Variants in PDCD11 observed in about 807,000 individuals in gnomAD.
PDCD11 encodes the protein programmed cell death 11.
In PDCD11, 97 loss-of-function variants were observed where a neutral mutation model predicts 198.9. That is an observed-to-expected ratio of 0.49 (90% confidence interval 0.41 to 0.58). PDCD11 has a LOEUF of 0.58. PDCD11 is among the 20% of genes least tolerant of loss of function. PDCD11 has a pLI of 0.00. For synonymous variants in PDCD11, 893 were observed against 918.0 expected (o/e 0.97, Z 0.49); for missense variants, 2,102 against 2,312.7 (o/e 0.91, Z 1.87).
intron 8 of PDCD11, among the ~76,000 whole-genome samples, chr10:103,411,878 A>T (rs2133693022): frequency 6.6e-6 from 1 of 152,286 alleles, no homozygotes; most frequent in African/African-American, 2.4e-5. Context: ...GGAGCCTTGG[A>T]TGCAGTGACA....
chr10:103,400,218 C>T (rs1349651046), intron 2 of PDCD11, among the ~76,000 whole-genome samples, 179 bp from the exon 3 acceptor site: 3 of 119,270 alleles, frequency 2.5e-5, no homozygotes, highest in Admixed American at 1.7e-4. Context: ...ACATTGGCGG[C>T]CCCCCCCCTT....
At chr10:103,414,407 C>T (rs2030986167) in intron 11 of PDCD11, 77 bp downstream of exon 11, 1 of 978,468 alleles carries the variant, frequency 1.0e-6, no homozygotes, top group South Asian at 1.4e-5. Context: ...GACTGTCAGC[C>T]CGTTAGTCCT....
chr10:103,424,459 A>T lies in PDCD11; in HGVS notation c.2764-525A>T, dbSNP rs367905994. 4.4e-4 allele frequency among the ~76,000 whole-genome samples: 67 copies of T among 152,302 alleles called. 1 individual carries two copies. The South Asian group carries it at 0.013, about 29-fold the overall frequency. On this transcript the variant is annotated intron_variant, in intron 19 of 35. Transcript: ENST00000369797. ...TAGCAGGACCCTGTACCATTTTATCACCTAAGGGAAGCTTGGGCATATAAG... is the reference window on the plus strand; with the variant it reads ...TAGCAGGACCCTGTACCATTTTATCTCCTAAGGGAAGCTTGGGCATATAAG...
intron 34 of PDCD11, 173 bp from the exon 35 acceptor site, chr10:103,444,344 A>G (rs2032510971): frequency 1.5e-6 from 1 of 657,782 alleles, no homozygotes; most frequent in African/African-American, 1.8e-5. Flanking sequence ...TGCAGTGCCC[A>G]TCTGTGTATT....
Position 103,442,476 on chromosome 10 carries a change from C to CA in PDCD11, c.4955+17dup. On this transcript the variant is annotated intron_variant, in intron 32 of 35. Transcript: ENST00000369797. Reference sequence around the variant, plus strand: ...TCTCCTTCAGGTCTCAGCTTTGCCCCAGGGAGCACAGTGTCTTCGCACGTT... The same window carrying CA: ...TCTCCTTCAGGTCTCAGCTTTGCCCCAAGGGAGCACAGTGTCTTCGCACGTT... 6.2e-7 allele frequency: 1 copy of CA among 1,609,392 alleles called. No individual in the cohort carries two copies. The highest frequency in any genetic ancestry group is 8.5e-7 in the Non-Finnish European group (1 of 1,177,730).
In PDCD11 at chr10:103,414,309, C is replaced by G; in HGVS notation, c.1350C>G (p.Ile450Met). ...IEAQYLRYHD[I>M]EPGAVVKGTV... Reference sequence around the variant, plus strand: ...CTCAGTACCTTAGATATCATGACATCGAACCTGGGGCAGTGGTAAAGGTAA... The same window carrying G: ...CTCAGTACCTTAGATATCATGACATGGAACCTGGGGCAGTGGTAAAGGTAA... Residue 450 changes from isoleucine (I) to methionine (M), a missense_variant, in exon 11 of 36, where the codon ATC becomes ATG. Ile to Met is a conservative substitution (Grantham distance 10, BLOSUM62 1). Transcript: ENST00000369797. 6.2e-7 allele frequency: 1 copy of G among 1,613,322 alleles called. No individual in the cohort carries two copies. The highest frequency in any genetic ancestry group is 8.5e-7 in the Non-Finnish European group (1 of 1,179,300).
intron 21 of PDCD11, among the ~76,000 whole-genome samples, chr10:103,427,723 A>G (rs189857419): frequency 4.1e-4 from 63 of 152,316 alleles, no homozygotes; most frequent in African/African-American, 1.4e-3. Context: ...CATGTATCCA[A>G]GAATACCTGT....
rs1481014375 is a variant in PDCD11 at position 103,398,546 on chromosome 10, T to G, written c.102+18T>G. 6.8e-7 allele frequency: 1 copy of G among 1,478,426 alleles called. No homozygotes were observed. Among genetic ancestry groups the G allele is most frequent in the Admixed American group, 1.7e-5 (1 of 59,666 alleles). 91.6% of individuals were successfully genotyped at this position (1,478,426 alleles called of 1,614,324 possible). A position where few individuals can be genotyped will look rare whatever the true frequency, so the allele number is the denominator to read the frequency against. ...TATTTGATGTAAGTAGTATGCTTGTTTGGTGACACTCACTGGAAACTTTTA... is the reference window on the plus strand; with the variant it reads ...TATTTGATGTAAGTAGTATGCTTGTGTGGTGACACTCACTGGAAACTTTTA... On this transcript the variant is annotated intron_variant, in intron 2 of 35. Coordinates refer to ENST00000369797, the MANE Select transcript of PDCD11 (RefSeq NM_014976.2).
Position 103,440,779 on chromosome 10 carries a change from G to A in PDCD11, c.4486G>A (p.Asp1496Asn). The A allele has an allele frequency of 1.9e-6, 3 of 1,614,164 alleles. 1 individual carries two copies. The highest frequency in any genetic ancestry group is 2.5e-6 in the Non-Finnish European group (3 of 1,180,034). ...AAAGAAAGCCGGCCTGTCAGAGGAG[G>A]ACGACAGCCTTGTGGACGTGTACTA... ...KPKKAGLSEEDDSLVDVYYRE... is the reference protein window; with the variant it reads ...KPKKAGLSEENDSLVDVYYRE... Residue 1496 changes from aspartate to asparagine, a missense_variant, in exon 30 of 36, where the codon GAC becomes AAC. Coordinates refer to ENST00000369797, the MANE Select transcript of PDCD11 (RefSeq NM_014976.2).
chr10:103,425,187 C>A lies in PDCD11; in HGVS notation c.2967C>A (p.Gly989=). The A allele has an allele frequency of 6.2e-7, 1 of 1,614,162 alleles. No homozygotes were observed. Among genetic ancestry groups the A allele is most frequent in the African/African-American group, 1.3e-5 (1 of 75,044 alleles). Reference sequence around the variant, plus strand: ...AGACCACAGAACCAGGAGTGACTGGCCTTCTTTTGGCTGTGGAGGGGCCGG... The same window carrying A: ...AGACCACAGAACCAGGAGTGACTGGACTTCTTTTGGCTGTGGAGGGGCCGG... ...TLKTTEPGVT[G]LLLAVEGPAA... The change falls in exon 20 of 36, where the codon GGC becomes GGA. Residue 989 remains glycine, a synonymous_variant. Coordinates refer to ENST00000369797, the MANE Select transcript of PDCD11 (RefSeq NM_014976.2).
At chr10:103,423,864 G>A (rs1350919425) in intron 19 of PDCD11, among the ~76,000 whole-genome samples, 1 of 152,170 alleles carries the variant, frequency 6.6e-6, no homozygotes, top group Non-Finnish European at 1.5e-5. Flanking sequence ...AGTTACATGG[G>A]CACTCCATCT....
chr10:103,409,933 A>G (rs2030694618), intron 8 of PDCD11, 127 bp downstream of exon 8: 1 of 689,564 alleles, frequency 1.5e-6, no homozygotes, highest in South Asian at 1.7e-5. Flanking sequence ...AGATGAGAGG[A>G]ATAATGAAAA....
Position 103,445,704 on chromosome 10 carries a change from G to A in PDCD11, c.*155G>A, listed in dbSNP as rs2032581875. On this transcript the variant is annotated 3_prime_UTR_variant, in exon 36 of 36. Transcript: ENST00000369797. ...GAAATCCTGTCAGGATGAAAAGGAA[G>A]TTGAGATTTTTTAAATCCCTCTTCG... The A allele has an allele frequency of 1.6e-6, 1 of 613,820 alleles. No individual in the cohort carries two copies. The highest frequency in any genetic ancestry group is 2.8e-6 in the Non-Finnish European group (1 of 354,548). The allele number at this position is 613,820 out of a possible 1,614,324, so 38.0% of individuals were successfully genotyped here.
chr10:103,417,457 G>A (rs2031173101), intron 13 of PDCD11, among the ~76,000 whole-genome samples: 1 of 152,240 alleles, frequency 6.6e-6, no homozygotes, highest in African/African-American at 2.4e-5. Flanking sequence ...ACAGGCCTGA[G>A]CCACTAAGCC....
chr10:103,411,584 C>T (rs1035546729), intron 8 of PDCD11, among the ~76,000 whole-genome samples: 13 of 152,050 alleles, frequency 8.5e-5, no homozygotes, highest in Non-Finnish European at 1.9e-4. Flanking sequence ...TCAGGCTGGT[C>T]TTAAACACCT....
chr10:103,443,026 C>T (rs1191975749), intron 32 of PDCD11, 139 bp from the exon 33 acceptor site: 1 of 654,856 alleles, frequency 1.5e-6, no homozygotes, highest in Non-Finnish European at 2.5e-6. Flanking sequence ...GACACAGCCT[C>T]TTAGGGTCTA....
intron 8 of PDCD11, 71 bp from the exon 9 acceptor site, chr10:103,413,045 T>C (rs2030895190): frequency 1.7e-6 from 2 of 1,166,702 alleles, no homozygotes; most frequent in Non-Finnish European, 2.6e-6. Flanking sequence ...AAAGGCTTGA[T>C]GCCTGGAAGG....
At position 103,413,232 on chromosome 10, in the gene PDCD11, A is replaced by G; in HGVS notation, c.1095A>G (p.Gly365=). The change falls in exon 9 of 36, where the codon GGA becomes GGG. Residue 365 remains glycine (G), a synonymous_variant. Transcript: ENST00000369797. ...CCCGACTCTCTTGCCAGAACCTTGG[A>G]GCAGTGCTGGATGATGTTCCTGTCC... ...PLTRLSCQNL[G]AVLDDVPVQG... 6.2e-7 allele frequency: 1 copy of G among 1,614,102 alleles called. No homozygotes were observed. The highest frequency in any genetic ancestry group is 8.5e-7 in the Non-Finnish European group (1 of 1,179,992).
chr10:103,438,073 T>G lies in PDCD11; in HGVS notation c.3902+2T>G. ...GACTTTGTCGCTGCGATCATCCAGG[T>G]GGGTTTCTGTGTTGTTGGAAAAAGA... On this transcript the variant is annotated splice_donor_variant, in intron 26 of 35. Coordinates refer to ENST00000369797, the MANE Select transcript of PDCD11 (RefSeq NM_014976.2). LOFTEE classifies it high-confidence loss of function. 1 of 1,612,960 alleles carries G rather than the reference T, an allele frequency of 6.2e-7. No individual in the cohort carries two copies. The highest frequency in any genetic ancestry group is 8.5e-7 in the Non-Finnish European group (1 of 1,179,028).
Sources: allele counts gnomAD v4.1 joint callset (sites outside exome capture counted in the v4.1 genomes callset), GRCh38; gene constraint gnomAD v4.1.1; transcripts MANE v1.5; gene names NCBI Gene and HGNC (gene_info 2026-07-23, HGNC 2026-07-21).